The following VNN1 variants were observed in gnomAD, a reference collection of about 807,000 sequenced individuals.
The protein encoded by VNN1 is pantetheinase.
In VNN1, 29 loss-of-function variants were observed where a neutral mutation model predicts 41.9. That is an observed-to-expected ratio of 0.69 (90% CI 0.52 to 0.94). The LOEUF (loss-of-function observed/expected upper bound fraction) is 0.94. Ranked by LOEUF, VNN1 falls within the 40% of genes least tolerant of loss-of-function variation. The pLI is 0.00. For synonymous variants in VNN1, 233 were observed against 224.4 expected, an observed-to-expected ratio of 1.04 and a Z score of -0.34; for missense variants, 637 against 621.1, an observed-to-expected ratio of 1.03 and a Z score of -0.27.
chr6:132,713,749 T>A, intron 1 of VNN1, 77 bp downstream of exon 1: 2 of 1,489,246 alleles, frequency 1.3e-6, no homozygotes, highest in Non-Finnish European at 9.2e-7. Flanking sequence ...TAACTGACCC[T>A]GACAGTGGCC....
chr6:132,699,178 G>T (rs893670885), intron 2 of VNN1: 2 of 370,016 alleles, frequency 5.4e-6, no homozygotes, highest in African/African-American at 2.2e-5. Flanking sequence ...TTTCAGACTT[G>T]ATGAGAATGG....
At chr6:132,683,624 T>C (rs1390034589) in intron 6 of VNN1, among the ~76,000 whole-genome samples, 1 of 152,140 alleles carries the variant, frequency 6.6e-6, no homozygotes, top group Non-Finnish European at 1.5e-5. Flanking sequence ...AACCTAGTCC[T>C]CTCAGACAAG....
chr6:132,701,481 A>G (rs952098336), intron 2 of VNN1, among the ~76,000 whole-genome samples: 4 of 152,182 alleles, frequency 2.6e-5, no homozygotes, highest in African/African-American at 9.7e-5. Context: ...TGTTCTAAGA[A>G]CTGTAACAAG....
In VNN1 at chr6:132,691,769, G is replaced by A. The variant is rs1220152855; in HGVS notation, c.1188+454C>T. Among the ~76,000 whole-genome samples, 3 of 152,060 alleles carry A rather than the reference G, an allele frequency of 2.0e-5. No individual in the cohort carries two copies. In the East Asian group the frequency reaches 5.8e-4, roughly 29 times the overall value. ...CTCAACACTTTGGGAGGCTGAGGTG[G>A]GCGGATCACCTGAGCTCGGGGAGTT... On this transcript the variant is annotated intron_variant, in intron 5 of 6. Coordinates refer to ENST00000367928, the MANE Select transcript of VNN1 (RefSeq NM_004666.3).
At chr6:132,695,458 C>G (rs1344295609) in intron 2 of VNN1, among the ~76,000 whole-genome samples, 1 of 152,098 alleles carries the variant, frequency 6.6e-6, no homozygotes, top group African/African-American at 2.4e-5. Context: ...CTTATGGGAG[C>G]AGGGTGGACA....
At chr6:132,683,865 TA>T (rs958196114) in intron 6 of VNN1, among the ~76,000 whole-genome samples, 1 of 152,232 alleles carries the variant, frequency 6.6e-6, no homozygotes, top group African/African-American at 2.4e-5. Context: ...TTCTGAACTT[TA>T]AAAAGTTTTT....
intron 5 of VNN1, among the ~76,000 whole-genome samples, chr6:132,690,868 C>T (rs1778272396): frequency 1.3e-5 from 2 of 152,030 alleles, no homozygotes; most frequent in African/African-American, 4.8e-5. Context: ...ATAGGGTGTC[C>T]TGGGAGCACA....
chr6:132,713,004 A>G (rs1778626127), intron 1 of VNN1, among the ~76,000 whole-genome samples: 1 of 152,120 alleles, frequency 6.6e-6, no homozygotes, highest in African/African-American at 2.4e-5. Context: ...GCACGGTGGC[A>G]TGCATCTGTG....
intron 2 of VNN1, among the ~76,000 whole-genome samples, chr6:132,704,856 C>T (rs1180099625): frequency 6.6e-6 from 1 of 151,144 alleles, no homozygotes; most frequent in Admixed American, 6.6e-5. Context: ...GACATTATAA[C>T]CAATACTGCA....
At chr6:132,707,231 A>AAAAC (rs1161349780) in intron 2 of VNN1, among the ~76,000 whole-genome samples, 4 of 151,668 alleles carry the variant, frequency 2.6e-5, no homozygotes, top group Admixed American at 2.6e-4. Context: ...TGTCTCAAAA[A>AAAAC]AAAAAAAAAG....
At chr6:132,711,525 CTGACTTCTG>C (rs1435629357) in intron 2 of VNN1, among the ~76,000 whole-genome samples, 175 bp downstream of exon 2, 2 of 152,186 alleles carry the variant, frequency 1.3e-5, no homozygotes, top group African/African-American at 2.4e-5. Context: ...CTTTCTAGCT[CTGACTTCTG>C]TGACTTCATA....
chr6:132,691,334 AG>A, intron 5 of VNN1, among the ~76,000 whole-genome samples: 1 of 152,168 alleles, frequency 6.6e-6, no homozygotes, highest in East Asian at 1.9e-4. Context: ...AGCCCTGTTA[AG>A]TGAGATAAGA....
In VNN1 at chr6:132,693,046, A is replaced by G. The variant is rs770028570; in HGVS notation, c.804T>C (p.His268=). The part of the protein sequence containing the change: ...MRVNFLASNI[H]YPSKKMTGSG... ...TACCTGTCATTTTCTTTGAGGGGTA[A>G]TGTATGTTGGATGCAAGGAAATTGA... Residue 268 remains histidine (H), a synonymous_variant, in exon 4 of 7, where the codon CAT becomes CAC. Coordinates refer to ENST00000367928, the MANE Select transcript of VNN1 (RefSeq NM_004666.3). 3.7e-6 allele frequency: 6 copies of G among 1,611,426 alleles called. No homozygotes were observed. The highest frequency in any genetic ancestry group is 5.1e-6 in the Non-Finnish European group (6 of 1,178,162).
chr6:132,690,287 C>A (rs540614851), intron 5 of VNN1, among the ~76,000 whole-genome samples: 1 of 152,292 alleles, frequency 6.6e-6, no homozygotes, highest in South Asian at 2.1e-4. Context: ...TAAGATCCTG[C>A]AGGACAGGAT....
chr6:132,686,161 T>C (rs960203175), intron 5 of VNN1, among the ~76,000 whole-genome samples: 1 of 152,196 alleles, frequency 6.6e-6, no homozygotes, highest in Non-Finnish European at 1.5e-5. Flanking sequence ...AAAATGTTTA[T>C]CTGGGCTGGG....
chr6:132,713,000 T>C lies in VNN1; in HGVS notation c.210+826A>G, dbSNP rs1475913948. 2.6e-5 allele frequency among the ~76,000 whole-genome samples: 4 copies of C among 152,184 alleles called. No homozygotes were observed. The East Asian group carries it at 5.8e-4, about 22-fold the overall frequency. On this transcript the variant is annotated intron_variant, in intron 1 of 6. Coordinates refer to ENST00000367928, the MANE Select transcript of VNN1 (RefSeq NM_004666.3). Reference sequence around the variant, plus strand: ...AAATACAAAACTTAGCTGGGCACGGTGGCATGCATCTGTGGTCCCAGCTAC... The same window carrying C: ...AAATACAAAACTTAGCTGGGCACGGCGGCATGCATCTGTGGTCCCAGCTAC...
chr6:132,702,127 G>A (rs1468422228), intron 2 of VNN1, among the ~76,000 whole-genome samples: 1 of 152,198 alleles, frequency 6.6e-6, no homozygotes, highest in Non-Finnish European at 1.5e-5. Context: ...GTTAGGAATT[G>A]GGCTGCACGG....
At chr6:132,711,904 A>T (rs569259085) in intron 1 of VNN1, 65 bp from the exon 2 acceptor site, 1 of 1,567,466 alleles carries the variant, frequency 6.4e-7, no homozygotes, top group East Asian at 2.3e-5. Flanking sequence ...TGAGTGGCTG[A>T]GTAACAACTA....
At chr6:132,712,219 G>A (rs116499886) in intron 1 of VNN1, among the ~76,000 whole-genome samples, 1,587 of 149,208 alleles carry the variant, frequency 0.011, 32 homozygotes, top group African/African-American at 0.036. Flanking sequence ...GCTAGATCTC[G>A]GCTTACCACA....
Sources: allele counts gnomAD v4.1 joint callset (sites outside exome capture counted in the v4.1 genomes callset), GRCh38; gene constraint gnomAD v4.1.1; transcripts MANE v1.5; gene names NCBI Gene and HGNC (gene_info 2026-07-23, HGNC 2026-07-21).